CTNND2: variants seen among roughly 807,000 people sequenced by gnomAD.
CTNND2 encodes the protein catenin delta-2.
A neutral mutation model predicts 144.4 loss-of-function variants in CTNND2; 22 were observed. That is an observed-to-expected ratio of 0.15 (90% CI 0.11 to 0.22). The LOEUF (loss-of-function observed/expected upper bound fraction) is 0.22. Among genes scored for constraint, CTNND2 ranks in the 10% least tolerant of loss-of-function variants. The probability of loss-of-function intolerance (pLI) is 1.00; values close to 1 mark genes in which losing one functional copy is unlikely to be tolerated. For synonymous variants in CTNND2, 751 were observed against 695.6 expected (o/e 1.08, Z -1.25); for missense variants, 1,353 against 1,618.8 (o/e 0.84, Z 2.82).
intron 2 of CTNND2, among the ~76,000 whole-genome samples, chr5:11,579,636 A>C (rs1430816515): frequency 6.6e-6 from 1 of 152,222 alleles, no homozygotes; most frequent in Non-Finnish European, 1.5e-5. Flanking sequence ...ACTTAGTTAT[A>C]ATGAGCTGCA....
At chr5:11,005,283 G>A (rs956532383) in intron 18 of CTNND2, among the ~76,000 whole-genome samples, 31 of 152,246 alleles carry the variant, frequency 2.0e-4, no homozygotes, top group Non-Finnish European at 3.7e-4. Context: ...CAAAGCGATC[G>A]CAGGCAGGGT....
intron 18 of CTNND2, among the ~76,000 whole-genome samples, chr5:11,015,052 C>A (rs1353304486): frequency 6.6e-6 from 1 of 152,160 alleles, no homozygotes; most frequent in Non-Finnish European, 1.5e-5. Context: ...CTTCCCATAT[C>A]TTATGTTTTC....
intron 1 of CTNND2, among the ~76,000 whole-genome samples, chr5:11,774,577 G>C (rs549525176): frequency 2.5e-4 from 32 of 130,568 alleles, no homozygotes; most frequent in African/African-American, 6.8e-4. Flanking sequence ...AAAAAACAAT[G>C]ATGGCTTTAG....
At chr5:11,073,867 T>A (rs1273143729) in intron 16 of CTNND2, among the ~76,000 whole-genome samples, 1 of 152,206 alleles carries the variant, frequency 6.6e-6, no homozygotes, top group African/African-American at 2.4e-5. Flanking sequence ...ACAAATCACT[T>A]TGTCTAAGAA....
chr5:11,576,020 C>G (rs79424500), intron 2 of CTNND2, among the ~76,000 whole-genome samples: 1 of 152,176 alleles, frequency 6.6e-6, no homozygotes, highest in African/African-American at 2.4e-5. Context: ...TCCTATCTCA[C>G]AGAACGACAG....
At chr5:11,393,850 T>C (rs1253533382) in intron 6 of CTNND2, among the ~76,000 whole-genome samples, 4 of 152,004 alleles carry the variant, frequency 2.6e-5, no homozygotes, top group Admixed American at 1.3e-4. Flanking sequence ...GATCATGTCG[T>C]TCCTCTGCTT....
chr5:11,309,029 G>A (rs1230796321), intron 9 of CTNND2, among the ~76,000 whole-genome samples: 7 of 152,172 alleles, frequency 4.6e-5, no homozygotes, highest in Admixed American at 1.3e-4. Flanking sequence ...CAGCAAGGGG[G>A]AAATCAAACT....
At chr5:11,894,074 G>A (rs764458197) in intron 1 of CTNND2, among the ~76,000 whole-genome samples, 8 of 149,194 alleles carry the variant, frequency 5.4e-5, no homozygotes, top group East Asian at 2.0e-4. Flanking sequence ...CAGTTAGAGC[G>A]ATAAGAATTC....
intron 9 of CTNND2, among the ~76,000 whole-genome samples, chr5:11,272,587 A>T (rs1746133854): frequency 6.6e-6 from 1 of 152,164 alleles, no homozygotes; most frequent in Non-Finnish European, 1.5e-5. Flanking sequence ...ATACTGGTGA[A>T]AACGCTCTGA....
intron 6 of CTNND2, among the ~76,000 whole-genome samples, chr5:11,389,959 C>T (rs968803598): frequency 3.3e-5 from 5 of 152,182 alleles, no homozygotes; most frequent in African/African-American, 7.2e-5. Flanking sequence ...TGTCTTTAGA[C>T]TGGGGGGGAG....
At chr5:11,667,056 TG>T (rs1783605821) in intron 2 of CTNND2, among the ~76,000 whole-genome samples, 1 of 152,130 alleles carries the variant, frequency 6.6e-6, no homozygotes, top group Non-Finnish European at 1.5e-5. Flanking sequence ...CTGAGAATGA[TG>T]GTTTCCAGCT....
chr5:11,231,925 T>C (rs1271334042), intron 10 of CTNND2, among the ~76,000 whole-genome samples: 2 of 152,216 alleles, frequency 1.3e-5, no homozygotes, highest in African/African-American at 4.8e-5. Flanking sequence ...CAGGACATGG[T>C]GCCCTGCGTC....
intron 3 of CTNND2, among the ~76,000 whole-genome samples, chr5:11,531,587 C>T (rs998629652): frequency 1.3e-5 from 2 of 152,126 alleles, no homozygotes; most frequent in South Asian, 2.1e-4. Context: ...GATCATGCCA[C>T]TGTACTCCAG....
At chr5:11,042,680 G>C (rs1223104619) in intron 16 of CTNND2, among the ~76,000 whole-genome samples, 3 of 152,176 alleles carry the variant, frequency 2.0e-5, no homozygotes, top group African/African-American at 7.2e-5. Context: ...TTGGATACCG[G>C]GAAGTCTTTG....
intron 2 of CTNND2, among the ~76,000 whole-genome samples, chr5:11,635,051 A>C (rs567163101): frequency 6.6e-6 from 1 of 152,244 alleles, no homozygotes; most frequent in South Asian, 2.1e-4. Context: ...TCTGATGTTA[A>C]GGCAAGGGAA....
At chr5:11,843,470 G>C (rs978760181) in intron 1 of CTNND2, among the ~76,000 whole-genome samples, 2 of 152,136 alleles carry the variant, frequency 1.3e-5, no homozygotes, top group African/African-American at 2.4e-5. Flanking sequence ...TCTTGAGACT[G>C]TCAGGATTCC....
intron 1 of CTNND2, among the ~76,000 whole-genome samples, chr5:11,763,245 T>C (rs1016936109): frequency 1.3e-5 from 2 of 152,184 alleles, no homozygotes; most frequent in African/African-American, 4.8e-5. Context: ...TCCTCTTTTC[T>C]TTATAAATTA....
chr5:11,026,298 G>A (rs930669486), intron 16 of CTNND2, among the ~76,000 whole-genome samples: 1 of 151,496 alleles, frequency 6.6e-6, no homozygotes, highest in African/African-American at 2.4e-5. Context: ...AAAGGAGCAG[G>A]CACCAGTAAC....
intron 2 of CTNND2, among the ~76,000 whole-genome samples, chr5:11,620,590 G>A (rs570038756): frequency 6.6e-6 from 1 of 152,250 alleles, no homozygotes; most frequent in South Asian, 2.1e-4. Flanking sequence ...GAATATCATG[G>A]GGTGCCCCTC....
Sources: gnomAD v4.1 joint callset for allele counts (sites outside exome capture counted in the v4.1 genomes callset) on GRCh38, gnomAD v4.1.1 for gene constraint, MANE v1.5 for transcripts, NCBI Gene and HGNC (gene_info 2026-07-23, HGNC 2026-07-21) for gene names.